BMP7: variants seen among roughly 807,000 people sequenced by gnomAD.
BMP7 encodes bone morphogenetic protein 7, also known as osteogenic protein 1.
Under a neutral mutation model 41.2 loss-of-function variants are expected in BMP7, and 12 were observed. The ratio of observed to expected loss-of-function variants is 0.29; its 90% CI spans 0.19 to 0.47. The LOEUF (loss-of-function observed/expected upper bound fraction) is 0.47, where lower values mean the gene tolerates loss of function less well. BMP7 is among the 20% of genes least tolerant of loss of function. The probability of loss-of-function intolerance (pLI) is 0.99; values close to 1 mark genes in which losing one functional copy is unlikely to be tolerated. For missense variants in BMP7, 467 were observed against 606.0 expected (o/e 0.77, Z 2.41); for synonymous variants, 248 against 250.0 (o/e 0.99, Z 0.07).
chr20:57,228,360 A>G lies in BMP7; in HGVS notation c.480T>C (p.Leu160=), dbSNP rs749325259. 1 of 1,613,994 alleles carries G rather than the reference A, an allele frequency of 6.2e-7. No homozygotes were observed. Among genetic ancestry groups the G allele is most frequent in the Non-Finnish European group, 8.5e-7 (1 of 1,180,026 alleles). Residue 160 remains leucine, a synonymous_variant, in exon 2 of 7, where the codon CTT becomes CTC. Transcript: ENST00000395863. The surrounding 1 kb of genome is among the most constrained non-coding windows in gnomAD (Gnocchi z 4.5). ...RYHHREFRFD[L]SKIPEGEAVT... is the part of the protein sequence containing the mutation. ...CAGCTTCCCCTTCTGGGATCTTGGA[A>G]AGATCAAACCGGAACTCTCGATGGT...
rs74616148 is a variant in BMP7, at chr20:57,233,813, T to C, written c.419-5392A>G. Reference sequence around the variant, plus strand: ...GCTGGTGCTTAAACAGAACCTGCAGTATTCAGAGCCGTGGGACAGTATTTA... The same window carrying C: ...GCTGGTGCTTAAACAGAACCTGCAGCATTCAGAGCCGTGGGACAGTATTTA... On this transcript the variant is annotated intron_variant, in intron 1 of 6. Coordinates refer to ENST00000395863, the MANE Select transcript of BMP7 (RefSeq NM_001719.3). Among the ~76,000 whole-genome samples the C allele has an allele frequency of 2.6e-3, 397 of 152,334 alleles. 3 individuals carry two copies. The highest frequency in any genetic ancestry group is 9.2e-3 in the African/African-American group (381 of 41,560).
At chr20:57,196,260 C>T (rs757625986) in intron 3 of BMP7, among the ~76,000 whole-genome samples, 18 of 152,134 alleles carry the variant, frequency 1.2e-4, no homozygotes, top group Non-Finnish European at 2.5e-4. Context: ...GAAGACGGCA[C>T]AAGGAAAATG....
chr20:57,263,368 C>T (rs1266472181), intron 1 of BMP7, among the ~76,000 whole-genome samples: 1 of 152,186 alleles, frequency 6.6e-6, no homozygotes, highest in Non-Finnish European at 1.5e-5. Flanking sequence ...CCAGCTGTGG[C>T]CTTCCCAAAC....
At chr20:57,231,315 G>A (rs1268424377) in intron 1 of BMP7, among the ~76,000 whole-genome samples, 1 of 152,200 alleles carries the variant, frequency 6.6e-6, no homozygotes, top group African/African-American at 2.4e-5. Flanking sequence ...CAGTTCATAG[G>A]CGTTCAGGGA....
chr20:57,262,464 G>A (rs1188312111), intron 1 of BMP7, among the ~76,000 whole-genome samples: 3 of 152,242 alleles, frequency 2.0e-5, no homozygotes, highest in Admixed American at 1.3e-4. Context: ...TGGTTTTGTC[G>A]TAAATTCCCC....
In BMP7 at chr20:57,171,361, C is replaced by G. The variant is rs1983812270; in HGVS notation, c.1147-253G>C. ...ACAGTGGGGAAGGAAGGGGCCAGATCCGACATTCAGGACCAGGTAATTCTC... is the reference window on the plus strand; with the variant it reads ...ACAGTGGGGAAGGAAGGGGCCAGATGCGACATTCAGGACCAGGTAATTCTC... On this transcript the variant is annotated intron_variant, in intron 6 of 6. Coordinates refer to ENST00000395863, the MANE Select transcript of BMP7 (RefSeq NM_001719.3). This position sits in a 1 kb window ranked among gnomAD's most constrained non-coding sequence, Gnocchi z 4.5. Among the ~76,000 whole-genome samples the G allele has an allele frequency of 1.3e-5, 2 of 152,170 alleles. No individual in the cohort carries two copies. The highest frequency in any genetic ancestry group is 4.2e-4 in the South Asian group (2 of 4,816).
At chr20:57,204,989 C>T (rs1403273421) in intron 2 of BMP7, among the ~76,000 whole-genome samples, 1 of 152,074 alleles carries the variant, frequency 6.6e-6, no homozygotes, top group Non-Finnish European at 1.5e-5. Flanking sequence ...AAAGTCTGGA[C>T]CCTTTCTGTT....
chr20:57,174,888 G>A lies in BMP7; in HGVS notation c.1035+43C>T, dbSNP rs1200624545. The stretch of plus-strand genomic sequence containing the variant: ...GACCCGCTGCCTCGTGGGAGCCCAC[G>A]CCAGAGGGCCCACACCCAAGACAGA... On this transcript the variant is annotated intron_variant, in intron 5 of 6. Transcript: ENST00000395863. The surrounding 1 kb of genome is among the most constrained non-coding windows in gnomAD (Gnocchi z 4.3). The A allele has an allele frequency of 1.9e-6, 3 of 1,585,040 alleles. No homozygotes were observed. The highest frequency in any genetic ancestry group is 1.4e-5 in the African/African-American group (1 of 74,056).
intron 1 of BMP7, among the ~76,000 whole-genome samples, chr20:57,245,796 G>A (rs979802383): frequency 4.6e-5 from 7 of 151,692 alleles, no homozygotes; most frequent in East Asian, 3.9e-4. Context: ...CCGCCACCAC[G>A]CCCAGCTGAT....
intron 1 of BMP7, among the ~76,000 whole-genome samples, chr20:57,251,087 G>A (rs1047672717): frequency 1.3e-5 from 2 of 152,330 alleles, no homozygotes; most frequent in East Asian, 1.9e-4. Context: ...GGCAGGTCCC[G>A]TGCACGGTGG....
intron 1 of BMP7, among the ~76,000 whole-genome samples, chr20:57,241,276 C>T (rs1259306167): frequency 6.6e-6 from 1 of 152,218 alleles, no homozygotes; most frequent in Non-Finnish European, 1.5e-5. Context: ...TTGGCACACT[C>T]GATGCACTCG....
chr20:57,257,526 T>A (rs1402574077), intron 1 of BMP7, among the ~76,000 whole-genome samples: 1 of 152,172 alleles, frequency 6.6e-6, no homozygotes, highest in African/African-American at 2.4e-5. Flanking sequence ...CTACTTAAAT[T>A]TCTATTTTTG....
intron 2 of BMP7, among the ~76,000 whole-genome samples, chr20:57,212,585 T>C (rs536593050): frequency 7.2e-5 from 11 of 152,226 alleles, no homozygotes; most frequent in Non-Finnish European, 1.3e-4. Context: ...GCCGCAAGGA[T>C]ATTCCTCAGA....
intron 1 of BMP7, among the ~76,000 whole-genome samples, chr20:57,245,908 G>A (rs998691421): frequency 3.3e-5 from 5 of 152,184 alleles, no homozygotes; most frequent in African/African-American, 9.7e-5. Context: ...AAAGTGCTGG[G>A]ATTACAGGCG....
rs917391753 is a variant in BMP7 at position 57,263,081 on chromosome 20, T to C, written c.418+2624A>G. Among the ~76,000 whole-genome samples the C allele has an allele frequency of 2.6e-5, 4 of 152,198 alleles. No individual in the cohort carries two copies. In the East Asian group the frequency reaches 7.7e-4, roughly 29 times the overall value. On this transcript the variant is annotated intron_variant, in intron 1 of 6. Coordinates refer to ENST00000395863, the MANE Select transcript of BMP7 (RefSeq NM_001719.3). ...CAACATTAGAAGCATCTACAGGAAG[T>C]GTCTCGCCAAACTGCAGCCCAGGTC...
rs1423290459 is a variant in BMP7, at chr20:57,265,834, C to T, written c.289G>A (p.Gly97Arg). The T allele has an allele frequency of 1.9e-6, 3 of 1,606,322 alleles. No homozygotes were observed. The highest frequency in any genetic ancestry group is 2.5e-6 in the Non-Finnish European group (3 of 1,176,990). ...YNAMAVEEGG[G>R]PGGQGFSYPY... Reference sequence around the variant, plus strand: ...TAGGAGAAGCCCTGGCCGCCGGGCCCGCCGCCCTCCTCCACCGCCATGGCG... The same window carrying T: ...TAGGAGAAGCCCTGGCCGCCGGGCCTGCCGCCCTCCTCCACCGCCATGGCG... Residue 97 changes from glycine (G) to arginine (R), a missense_variant, in exon 1 of 7, where the codon GGG becomes AGG. By Grantham distance (125) the Gly-to-Arg change is moderately radical. Around this residue, in one of 2 missense-constraint regions of BMP7, gnomAD observed 407 missense variants for 485.9 expected, o/e 0.84. Coordinates refer to ENST00000395863, the MANE Select transcript of BMP7 (RefSeq NM_001719.3).
chr20:57,192,035 CATATTATAGT>C (rs1984372927), intron 3 of BMP7, among the ~76,000 whole-genome samples: 1 of 118,314 alleles, frequency 8.5e-6, no homozygotes, highest in South Asian at 2.5e-4. Context: ...TATAATATAG[CATATTATAGT>C]ATATTATATA....
At chr20:57,197,303 C>A (rs1984516144) in intron 3 of BMP7, among the ~76,000 whole-genome samples, 1 of 152,016 alleles carries the variant, frequency 6.6e-6, no homozygotes, top group East Asian at 1.9e-4. Flanking sequence ...CTGCAAGAAG[C>A]CTACTGTCTT....
rs3787379 is a variant in BMP7 at position 57,174,050 on chromosome 20, G to A, written c.1036-740C>T. Reference sequence around the variant, plus strand: ...TTTGGGTTCTGTCCCAGCTGCAGGTGGATGTGGTCATCAGTCCTGAGGGCA... The same window carrying A: ...TTTGGGTTCTGTCCCAGCTGCAGGTAGATGTGGTCATCAGTCCTGAGGGCA... On this transcript the variant is annotated intron_variant, in intron 5 of 6. Coordinates refer to ENST00000395863, the MANE Select transcript of BMP7 (RefSeq NM_001719.3). The surrounding 1 kb of genome is among the most constrained non-coding windows in gnomAD (Gnocchi z 4.3). Among the ~76,000 whole-genome samples, 77,303 of 151,954 alleles carry A rather than the reference G, an allele frequency of 0.51. 19,902 individuals carry two copies. Among genetic ancestry groups the A allele is most frequent in the South Asian group, 0.64 (3,091 of 4,810 alleles).
Sources: allele counts gnomAD v4.1 joint callset (sites outside exome capture counted in the v4.1 genomes callset), GRCh38; gene constraint gnomAD v4.1.1; regional missense constraint gnomAD v4.1.1; non-coding constraint Gnocchi (gnomAD v3.1); transcripts MANE v1.5; gene names NCBI Gene and HGNC (gene_info 2026-07-23, HGNC 2026-07-21).